The following PDLIM5 variants were observed in gnomAD, a reference collection of about 807,000 sequenced individuals.
PDLIM5 encodes the protein PDZ and LIM domain protein 5.
PDLIM5 carries 34 observed loss-of-function variants against 64.2 expected under a neutral mutation model. That is an observed-to-expected ratio of 0.53 (90% CI 0.40 to 0.71). The LOEUF is 0.71. Ranked by LOEUF, PDLIM5 falls within the 30% of genes least tolerant of loss-of-function variation. The probability of loss-of-function intolerance (pLI) is 0.00; values close to 1 mark genes in which losing one functional copy is unlikely to be tolerated. For missense variants in PDLIM5, 683 were observed against 733.6 expected (o/e 0.93, Z 0.80); for synonymous variants, 253 against 269.1 (o/e 0.94, Z 0.59).
intron 3 of PDLIM5, among the ~76,000 whole-genome samples, chr4:94,534,317 C>G (rs1335394308): frequency 2.6e-5 from 4 of 152,042 alleles, no homozygotes; most frequent in Admixed American, 2.6e-4. Flanking sequence ...ACATGTTTTT[C>G]TGATACTTTT....
At chr4:94,499,719 G>A (rs1048373483) in intron 2 of PDLIM5, among the ~76,000 whole-genome samples, 1 of 152,214 alleles carries the variant, frequency 6.6e-6, no homozygotes, top group Non-Finnish European at 1.5e-5. Context: ...ACAGCAGGAG[G>A]TGAGTGGCAG....
intron 3 of PDLIM5, among the ~76,000 whole-genome samples, chr4:94,565,273 AGGC>A (rs1734217381): frequency 6.6e-6 from 1 of 152,248 alleles, no homozygotes; most frequent in South Asian, 2.1e-4. Flanking sequence ...ATAAAAATAC[AGGC>A]TGATTCAAAA....
intron 3 of PDLIM5, among the ~76,000 whole-genome samples, chr4:94,545,944 A>G (rs10000208): frequency 0.14 from 21,406 of 152,122 alleles, 1,627 homozygotes; most frequent in Non-Finnish European, 0.17. Context: ...TTTTTGAAAT[A>G]TGTCTTATTT....
rs774792334 is a variant in PDLIM5, at chr4:94,587,049, T to A, written c.920+605T>A. On this transcript the variant is annotated intron_variant, in intron 7 of 12. Transcript: ENST00000317968. ...ACACAAAATTACGTGACTGGCACCA[T>A]GAAGTTTCAGCACGTGCTCTTAACG... 3 of 1,609,286 alleles carry A rather than the reference T, an allele frequency of 1.9e-6. No individual in the cohort carries two copies. In the East Asian group the frequency reaches 6.7e-5, roughly 36 times the overall value.
chr4:94,465,786 A>G (rs1724300970), intron 2 of PDLIM5, among the ~76,000 whole-genome samples: 1 of 152,182 alleles, frequency 6.6e-6, no homozygotes, highest in Non-Finnish European at 1.5e-5. Context: ...TACACAGCTG[A>G]TAATTGGTTA....
At chr4:94,516,085 G>GGTAGA (rs1341855715) in intron 2 of PDLIM5, among the ~76,000 whole-genome samples, 1 of 152,188 alleles carries the variant, frequency 6.6e-6, no homozygotes, top group Non-Finnish European at 1.5e-5. Flanking sequence ...TTAGGACTTT[G>GGTAGA]GTAGAGTAGA....
At chr4:94,579,586 TA>T (rs770519990) in intron 5 of PDLIM5, 4 of 1,009,246 alleles carry the variant, frequency 4.0e-6, no homozygotes, top group Non-Finnish European at 5.7e-6. Context: ...TATATATGAG[TA>T]AACAGCATGA....
At chr4:94,649,827 C>T (rs1415408914) in intron 9 of PDLIM5, among the ~76,000 whole-genome samples, 1 of 152,222 alleles carries the variant, frequency 6.6e-6, no homozygotes, top group African/African-American at 2.4e-5. Context: ...CTCCAGTAGA[C>T]TTTTAAAAAA....
Position 94,519,193 on chromosome 4 carries a change from A to G in PDLIM5, c.97-4531A>G, listed in dbSNP as rs144297115. ...AAGGAAGTTTAAGGAAGGAAGTGAAAAGCCAGAAGGAGGTCTGACCGGTCA... is the reference window on the plus strand; with the variant it reads ...AAGGAAGTTTAAGGAAGGAAGTGAAGAGCCAGAAGGAGGTCTGACCGGTCA... On this transcript the variant is annotated intron_variant, in intron 2 of 12. Coordinates refer to ENST00000317968, the MANE Select transcript of PDLIM5 (RefSeq NM_006457.5). 2.6e-4 allele frequency among the ~76,000 whole-genome samples: 39 copies of G among 152,264 alleles called. 1 individual carries two copies. The East Asian group carries it at 7.3e-3, about 29-fold the overall frequency.
chr4:94,640,332 G>C lies in PDLIM5; in HGVS notation c.1165G>C (p.Ala389Pro). The change falls in exon 9 of 13, where the codon GCC (alanine) becomes CCC (proline). Residue 389 changes from alanine (A) to proline (P), a missense_variant. Ala to Pro is a conservative substitution (Grantham distance 27, BLOSUM62 -1). Transcript: ENST00000317968. ...SATYSGSVAP[A>P]NSALGQTQPS... ...TACTTACTCAGGATCAGTGGCACCAGCCAACTCAGCTTTGGGACAAACCCA... is the reference window on the plus strand; with the variant it reads ...TACTTACTCAGGATCAGTGGCACCACCCAACTCAGCTTTGGGACAAACCCA... The C allele has an allele frequency of 1.2e-6, 2 of 1,611,978 alleles. No homozygotes were observed. Among genetic ancestry groups the C allele is most frequent in the Admixed American group, 1.7e-5 (1 of 59,982 alleles).
intron 7 of PDLIM5, among the ~76,000 whole-genome samples, chr4:94,593,214 G>A (rs1736806673): frequency 6.6e-6 from 1 of 152,182 alleles, no homozygotes; most frequent in Non-Finnish European, 1.5e-5. Flanking sequence ...AGCTGCAACT[G>A]TAAGTAAAGG....
At chr4:94,630,372 T>C (rs976302688) in intron 8 of PDLIM5, among the ~76,000 whole-genome samples, 5 of 152,080 alleles carry the variant, frequency 3.3e-5, no homozygotes, top group Non-Finnish European at 1.5e-5. Context: ...TTGATTGATA[T>C]ATATATGTAT....
chr4:94,654,592 G>A lies in PDLIM5; in HGVS notation c.1416G>A (p.Glu472=), dbSNP rs1320614908. The A allele has an allele frequency of 1.2e-6, 2 of 1,613,018 alleles. No individual in the cohort carries two copies. The highest frequency in any genetic ancestry group is 2.2e-5 in the East Asian group (1 of 44,872). Residue 472 remains glutamate (E), a synonymous_variant, in exon 10 of 13, where the codon GAG becomes GAA. Transcript: ENST00000317968. ...CCCTGTATTGTGAGCTGTGCTATGA[G>A]AAATTCTTTGCCCCTGAATGTGGTC... ...KGALYCELCY[E]KFFAPECGRC...
chr4:94,617,581 A>T (rs1454067657), intron 7 of PDLIM5, among the ~76,000 whole-genome samples: 1 of 146,066 alleles, frequency 6.8e-6, no homozygotes, highest in African/African-American at 2.5e-5. Context: ...CTGAAGTGGG[A>T]TGATTGCTTG....
intron 7 of PDLIM5, among the ~76,000 whole-genome samples, chr4:94,605,608 A>C (rs1482021450): frequency 6.6e-6 from 1 of 152,196 alleles, no homozygotes; most frequent in Non-Finnish European, 1.5e-5. Context: ...TTTGTTCCAT[A>C]GTAAATGAGG....
intron 2 of PDLIM5, among the ~76,000 whole-genome samples, chr4:94,477,179 G>A (rs1434751597): frequency 2.0e-5 from 3 of 152,162 alleles, no homozygotes; most frequent in Admixed American, 2.0e-4. Flanking sequence ...GATCTGGGTG[G>A]AGTTACTATT....
intron 8 of PDLIM5, among the ~76,000 whole-genome samples, chr4:94,620,170 G>A (rs1197937868): frequency 6.6e-6 from 1 of 152,148 alleles, no homozygotes. Context: ...TGTACAGAAT[G>A]TACTTCTTCA....
chr4:94,496,512 C>T (rs1727410607), intron 2 of PDLIM5, among the ~76,000 whole-genome samples: 1 of 152,114 alleles, frequency 6.6e-6, no homozygotes, highest in Non-Finnish European at 1.5e-5. Flanking sequence ...AATTAAGAGA[C>T]ACAGTCTCAG....
intron 2 of PDLIM5, among the ~76,000 whole-genome samples, chr4:94,485,154 T>A (rs983666954): frequency 6.6e-6 from 1 of 152,138 alleles, no homozygotes; most frequent in Non-Finnish European, 1.5e-5. Context: ...CAAATACATG[T>A]GTAATGGATA....
Sources: allele counts gnomAD v4.1 joint callset (sites outside exome capture counted in the v4.1 genomes callset), GRCh38; gene constraint gnomAD v4.1.1; transcripts MANE v1.5; gene names NCBI Gene and HGNC (gene_info 2026-07-23, HGNC 2026-07-21).